Variants in CA8 observed in about 807,000 individuals in gnomAD.
CA8 encodes the protein carbonic anhydrase 8 (inactive), also known as carbonic anhydrase-related protein.
Under a neutral mutation model 41.4 loss-of-function variants are expected in CA8, and 22 were observed. That is an observed-to-expected ratio of 0.53 (90% CI 0.38 to 0.76). The LOEUF (loss-of-function observed/expected upper bound fraction) is 0.76. CA8 is among the 30% of genes least tolerant of loss of function. CA8 has a pLI of 0.00. For synonymous variants in CA8, 121 were observed against 130.6 expected (o/e 0.93, Z 0.50); for missense variants, 270 against 352.8 (o/e 0.77, Z 1.88).
intron 3 of CA8, among the ~76,000 whole-genome samples, chr8:60,253,347 C>T (rs1220538989): frequency 6.6e-6 from 1 of 151,972 alleles, no homozygotes; most frequent in African/African-American, 2.4e-5. Context: ...TTCCAACTCC[C>T]TTTTTTTTCT....
chr8:60,266,359 G>C (rs1301713312), intron 2 of CA8, among the ~76,000 whole-genome samples: 2 of 152,166 alleles, frequency 1.3e-5, no homozygotes, highest in Non-Finnish European at 2.9e-5. Context: ...TCCTCCCTTA[G>C]AGATTTAAGC....
intron 3 of CA8, among the ~76,000 whole-genome samples, chr8:60,245,494 T>C (rs9643367): frequency 0.48 from 72,420 of 152,066 alleles, 20,120 homozygotes; most frequent in African/African-American, 0.78. Context: ...GAACCATTCT[T>C]TAGCAAACTC....
chr8:60,222,282 T>C (rs908885540), intron 7 of CA8, among the ~76,000 whole-genome samples: 7 of 152,200 alleles, frequency 4.6e-5, no homozygotes, highest in African/African-American at 1.7e-4. Flanking sequence ...AAGGCAAAAC[T>C]ATTTCAAAGC....
chr8:60,253,977 T>C (rs1392106253), intron 3 of CA8, among the ~76,000 whole-genome samples: 1 of 152,174 alleles, frequency 6.6e-6, no homozygotes, highest in African/African-American at 2.4e-5. Context: ...AACTGTGGCC[T>C]AGATTATCTC....
chr8:60,196,783 T>A (rs1806293772), intron 8 of CA8, among the ~76,000 whole-genome samples: 13 of 152,200 alleles, frequency 8.5e-5, no homozygotes, highest in Middle Eastern at 3.4e-3. Flanking sequence ...TCTGAAAAAA[T>A]TAAACATGTA....
At chr8:60,249,776 A>AT (rs1215056657) in intron 3 of CA8, among the ~76,000 whole-genome samples, 2 of 152,226 alleles carry the variant, frequency 1.3e-5, no homozygotes, top group African/African-American at 4.8e-5. Context: ...AGCTAAAGCA[A>AT]TTTTAAGAGT....
intron 3 of CA8, among the ~76,000 whole-genome samples, chr8:60,243,761 C>T (rs1808125414): frequency 1.3e-5 from 2 of 152,204 alleles, no homozygotes; most frequent in Admixed American, 6.5e-5. Flanking sequence ...CCCTGGGTTT[C>T]GTGGTGCCAC....
At chr8:60,207,444 T>C (rs1563524425) in intron 8 of CA8, among the ~76,000 whole-genome samples, 1 of 152,190 alleles carries the variant, frequency 6.6e-6, no homozygotes, top group Non-Finnish European at 1.5e-5. Flanking sequence ...CTATTGCAGT[T>C]TGTGGTTGAC....
At chr8:60,216,178 A>T (rs1346210199) in intron 7 of CA8, among the ~76,000 whole-genome samples, 3 of 151,972 alleles carry the variant, frequency 2.0e-5, no homozygotes, top group Non-Finnish European at 4.4e-5. Flanking sequence ...TCTTCTTTTG[A>T]TTCCTCTCAC....
chr8:60,190,957 T>TATATATATATATATATACACACAC (rs1554573722), intron 8 of CA8, among the ~76,000 whole-genome samples: 103 of 104,222 alleles, frequency 9.9e-4, no homozygotes, highest in African/African-American at 2.5e-3. Context: ...TATATATATA[T>TATATATATATATATATACACACAC]ACACACACAC....
intron 3 of CA8, among the ~76,000 whole-genome samples, chr8:60,259,742 T>A (rs1366972263): frequency 4.0e-5 from 6 of 148,286 alleles, no homozygotes; most frequent in Admixed American, 2.0e-4. Context: ...TTTGTTTGCT[T>A]TTTTTTTTTT....
chr8:60,253,157 C>A (rs1808509064), intron 3 of CA8, among the ~76,000 whole-genome samples: 1 of 152,100 alleles, frequency 6.6e-6, no homozygotes, highest in African/African-American at 2.4e-5. Context: ...ATGGCTTGAG[C>A]CCAACAGGTG....
intron 3 of CA8, among the ~76,000 whole-genome samples, chr8:60,248,335 G>A (rs960312099): frequency 4.6e-5 from 7 of 152,142 alleles, no homozygotes; most frequent in African/African-American, 1.7e-4. Flanking sequence ...CCATGCCTAT[G>A]TCCTGAATGG....
At chr8:60,252,332 C>T (rs185455531) in intron 3 of CA8, among the ~76,000 whole-genome samples, 22 of 152,296 alleles carry the variant, frequency 1.4e-4, no homozygotes, top group African/African-American at 5.1e-4. Flanking sequence ...GCTGGTGTTG[C>T]CTCGGAAACT....
rs138405228 is a variant in CA8 at position 60,222,663 on chromosome 8, T to C, written c.724A>G (p.Ile242Val). Residue 242 changes from isoleucine (I) to valine (V), a missense_variant, in exon 7 of 9, where the codon ATA becomes GTA. Physicochemically the swap from Ile to Val is conservative, Grantham distance 29. Coordinates refer to ENST00000317995, the MANE Select transcript of CA8 (RefSeq NM_004056.6). ...AGCACACTCACCTGTAGCTGGGATA[T>C]AGTTAAAGGGTATCGGAATAATATC... is the stretch of plus-strand genomic sequence containing the variant. ...TWILFRYPLT[I>V]SQLQIEEFRR... The C allele has an allele frequency of 3.2e-4, 506 of 1,599,648 alleles. No individual in the cohort carries two copies. The highest frequency in any genetic ancestry group is 3.8e-4 in the Non-Finnish European group (447 of 1,166,678).
intron 8 of CA8, among the ~76,000 whole-genome samples, chr8:60,190,485 T>A (rs1228203499): frequency 1.4e-5 from 2 of 137,944 alleles, no homozygotes; most frequent in African/African-American, 2.6e-5. Context: ...ATGACAATAG[T>A]ACTTGTTTGA....
chr8:60,260,403 ACCAC>A (rs1246805505), intron 3 of CA8, among the ~76,000 whole-genome samples: 1 of 152,130 alleles, frequency 6.6e-6, no homozygotes, highest in Non-Finnish European at 1.5e-5. Context: ...CAGCCTCACT[ACCAC>A]CCTCCTGTGG....
At chr8:60,232,626 A>C (rs1807694176) in intron 3 of CA8, 1 of 526,266 alleles carries the variant, frequency 1.9e-6, no homozygotes, top group Non-Finnish European at 3.4e-6. Flanking sequence ...ATGAGGAGGA[A>C]GACAACTGGA....
intron 8 of CA8, among the ~76,000 whole-genome samples, chr8:60,197,248 T>G (rs1027630703): frequency 1.3e-5 from 2 of 152,078 alleles, no homozygotes; most frequent in African/African-American, 4.8e-5. Context: ...AAAACCATTT[T>G]AAAAATAACT....
Sources: gnomAD v4.1 joint callset for allele counts (sites outside exome capture counted in the v4.1 genomes callset) on GRCh38, gnomAD v4.1.1 for gene constraint, MANE v1.5 for transcripts, NCBI Gene and HGNC (gene_info 2026-07-23, HGNC 2026-07-21) for gene names.